The following POC5 variants were observed in gnomAD, a reference collection of about 807,000 sequenced individuals.
POC5 encodes POC5 centriolar protein.
A neutral mutation model predicts 62.9 loss-of-function variants in POC5; 48 were observed. The ratio of observed to expected loss-of-function variants is 0.76; its 90% CI spans 0.61 to 0.97. POC5 has a LOEUF of 0.97. Among genes scored for constraint, POC5 ranks in the 50% least tolerant of loss-of-function variants. The probability of loss-of-function intolerance (pLI) is 0.00; values close to 1 mark genes in which losing one functional copy is unlikely to be tolerated. For synonymous variants in POC5, 236 were observed against 228.2 expected (o/e 1.03, Z -0.31); for missense variants, 696 against 679.5 (o/e 1.02, Z -0.27).
At chr5:75,690,595 C>G (rs779924949) in intron 7 of POC5, 33 bp from the exon 8 acceptor site, 37 of 1,464,068 alleles carry the variant, frequency 2.5e-5, no homozygotes, top group Non-Finnish European at 3.1e-5. Context: ...TTCAAAAACA[C>G]AGTTGATTGA....
At chr5:75,677,254 T>G (rs1775702886) in intron 11 of POC5, among the ~76,000 whole-genome samples, 1 of 152,214 alleles carries the variant, frequency 6.6e-6, no homozygotes, top group African/African-American at 2.4e-5. Flanking sequence ...TCAATGCACC[T>G]TCTTTATATC....
chr5:75,710,583 T>C (rs1219503894), intron 2 of POC5, among the ~76,000 whole-genome samples: 1 of 152,228 alleles, frequency 6.6e-6, no homozygotes, highest in Non-Finnish European at 1.5e-5. Context: ...AAGGCACCTG[T>C]CTGCAATCCA....
chr5:75,682,658 G>A (rs554809214), intron 10 of POC5, among the ~76,000 whole-genome samples: 6 of 151,972 alleles, frequency 3.9e-5, no homozygotes, highest in Non-Finnish European at 7.4e-5. Context: ...TGGGATTACA[G>A]GCGCATGCCA....
At chr5:75,690,058 T>A (rs1471909941) in intron 8 of POC5, among the ~76,000 whole-genome samples, 2 of 152,064 alleles carry the variant, frequency 1.3e-5, no homozygotes, top group African/African-American at 4.8e-5. Flanking sequence ...GCTAATTTTT[T>A]TAGTAGAGAC....
intron 2 of POC5, among the ~76,000 whole-genome samples, chr5:75,708,148 C>T (rs1777200143): frequency 6.6e-6 from 1 of 152,102 alleles, no homozygotes; most frequent in Non-Finnish European, 1.5e-5. Context: ...TGGCTTGAAG[C>T]CTGAGCAACA....
Position 75,679,057 on chromosome 5 carries a change from C to T in POC5, c.1408-1107G>A, listed in dbSNP as rs546079447. Among the ~76,000 whole-genome samples, 35 of 152,186 alleles carry T rather than the reference C, an allele frequency of 2.3e-4. 2 individuals are homozygous for T. The South Asian group carries it at 5.8e-3, about 25-fold the overall frequency. ...AATATTTAAATTTAATAGTTCCTGA[C>T]GAGTACTAAACTCATTTAATAATTA... On this transcript the variant is annotated intron_variant, in intron 10 of 11. Transcript: ENST00000428202.
chr5:75,675,426 G>A (rs549113445), intron 11 of POC5, among the ~76,000 whole-genome samples: 1 of 152,184 alleles, frequency 6.6e-6, no homozygotes, highest in African/African-American at 2.4e-5. Flanking sequence ...TGTTAAAATA[G>A]TTTAAGTAAA....
chr5:75,714,373 G>A (rs1415056480), intron 1 of POC5, among the ~76,000 whole-genome samples: 5 of 151,276 alleles, frequency 3.3e-5, no homozygotes, highest in Non-Finnish European at 7.4e-5. Context: ...CAGAGACTCC[G>A]TCTCAAAAAA....
intron 10 of POC5, among the ~76,000 whole-genome samples, chr5:75,684,353 T>C (rs1021924108): frequency 1.7e-4 from 26 of 151,740 alleles, no homozygotes; most frequent in African/African-American, 6.0e-4. Flanking sequence ...AAATCTACTT[T>C]TCCTACATAA....
rs1777295562 is a variant in POC5, at chr5:75,710,438, G to C, written c.84+2416C>G. ...ATGAGGCCTTCAAGAAAGTAATTAAGGTTAAATAAGGTCATTGGTTGGGGC... is the reference window on the plus strand; with the variant it reads ...ATGAGGCCTTCAAGAAAGTAATTAACGTTAAATAAGGTCATTGGTTGGGGC... On this transcript the variant is annotated intron_variant, in intron 2 of 11. Coordinates refer to ENST00000428202, the MANE Select transcript of POC5 (RefSeq NM_001099271.2). Among the ~76,000 whole-genome samples, 5 of 152,150 alleles carry C rather than the reference G, an allele frequency of 3.3e-5. 1 individual carries two copies. The South Asian group carries it at 1.0e-3, about 31-fold the overall frequency.
At chr5:75,713,253 C>T (rs1777423347) in intron 1 of POC5, among the ~76,000 whole-genome samples, 2 of 151,242 alleles carry the variant, frequency 1.3e-5, no homozygotes, top group South Asian at 4.2e-4. Context: ...AACCTGGGTG[C>T]TGTGTACTTT....
At chr5:75,684,233 T>C (rs1775991694) in intron 10 of POC5, among the ~76,000 whole-genome samples, 1 of 152,168 alleles carries the variant, frequency 6.6e-6, no homozygotes, top group South Asian at 2.1e-4. Context: ...AAAGGAAAGG[T>C]GTTAGCTGAA....
chr5:75,692,411 G>GA lies in POC5; in HGVS notation c.779dup (p.Arg261GlnfsTer8). The GA allele has an allele frequency of 6.3e-7, 1 of 1,592,734 alleles. No individual in the cohort carries two copies. Among genetic ancestry groups the GA allele is most frequent in the Non-Finnish European group, 8.6e-7 (1 of 1,169,028 alleles). ...TGACACTTACATCCTGTCTGGCTCT[G>GA]ACATGGCCGATTCGCCAGTGGAAGA... On this transcript the variant is annotated frameshift_variant, in exon 7 of 12. Coordinates refer to ENST00000428202, the MANE Select transcript of POC5 (RefSeq NM_001099271.2). LOFTEE classifies it high-confidence loss of function.
rs576975094 is a variant in POC5 at position 75,716,938 on chromosome 5, G to A, written c.-15+368C>T. Among the ~76,000 whole-genome samples, 6 of 152,346 alleles carry A rather than the reference G, an allele frequency of 3.9e-5. No individual in the cohort carries two copies. The South Asian group carries it at 8.3e-4, about 21-fold the overall frequency. On this transcript the variant is annotated intron_variant, in intron 1 of 11. Coordinates refer to ENST00000428202, the MANE Select transcript of POC5 (RefSeq NM_001099271.2). ...CCCAAAGCAGGGACTAGAAGCAGAG[G>A]AGAAAAGCCATTGCAGTAAGCAAAA...
At chr5:75,695,652 A>T (rs1270619219) in intron 5 of POC5, among the ~76,000 whole-genome samples, 1 of 152,150 alleles carries the variant, frequency 6.6e-6, no homozygotes, top group Non-Finnish European at 1.5e-5. Flanking sequence ...CCAGTTTTTT[A>T]ATAATAGCAA....
intron 8 of POC5, 108 bp downstream of exon 8, chr5:75,690,275 T>A: frequency 9.8e-7 from 1 of 1,020,760 alleles, no homozygotes; most frequent in Non-Finnish European, 1.4e-6. Context: ...CATTTTTTTG[T>A]CTGCATTCTT....
intron 1 of POC5, among the ~76,000 whole-genome samples, chr5:75,713,160 C>T (rs905722077): frequency 1.3e-5 from 2 of 152,178 alleles, no homozygotes; most frequent in Admixed American, 6.5e-5. Flanking sequence ...GAGTTTATAA[C>T]GTAGTCAGGT....
At position 75,685,277 on chromosome 5, in the gene POC5, G is replaced by A. The variant is rs2112098293; in HGVS notation, c.1337C>T (p.Ala446Val). 1.2e-6 allele frequency: 2 copies of A among 1,614,062 alleles called. No homozygotes were observed. Among genetic ancestry groups the A allele is most frequent in the East Asian group, 4.5e-5 (2 of 44,886 alleles). Residue 446 changes from alanine (A) to valine (V), a missense_variant, in exon 10 of 12, where the codon GCA becomes GTA. Physicochemically the swap from Ala to Val is moderately conservative, Grantham distance 64. Coordinates refer to ENST00000428202, the MANE Select transcript of POC5 (RefSeq NM_001099271.2). Reference sequence around the variant, plus strand: ...AGAAACAGGAACGTGAACAGAAGATGCGGAAGCAGCCCTGGTAGAAGTCAT... The same window carrying A: ...AGAAACAGGAACGTGAACAGAAGATACGGAAGCAGCCCTGGTAGAAGTCAT... ...ASMTSTRAAS[A>V]SSVHVPVSAL...
intron 10 of POC5, among the ~76,000 whole-genome samples, chr5:75,678,781 C>T (rs750213772): frequency 1.1e-4 from 16 of 152,204 alleles, no homozygotes; most frequent in Admixed American, 5.2e-4. Context: ...AACAATGGAA[C>T]GATCATATCA....
Sources: gnomAD v4.1 joint callset for allele counts (sites outside exome capture counted in the v4.1 genomes callset) on GRCh38, gnomAD v4.1.1 for gene constraint, MANE v1.5 for transcripts, NCBI Gene and HGNC (gene_info 2026-07-23, HGNC 2026-07-21) for gene names.